Variants in FRMPD2 observed in about 807,000 individuals in gnomAD.
The protein encoded by FRMPD2 is FERM and PDZ domain containing 2, also known as FERM and PDZ domain-containing protein 2.
FRMPD2 carries 96 observed loss-of-function variants against 140.1 expected under a neutral mutation model. The observed-to-expected ratio is 0.69, with a 90% confidence interval of 0.58 to 0.81. The LOEUF is 0.81. Ranked by LOEUF, FRMPD2 falls within the 40% of genes least tolerant of loss-of-function variation. FRMPD2 has a pLI of 0.00. For synonymous variants in FRMPD2, 449 were observed against 547.6 expected (o/e 0.82, Z 2.52); for missense variants, 1,240 against 1,447.4 (o/e 0.86, Z 2.32).
chr10:48,261,277 C>A (rs1280589220), intron 1 of FRMPD2, among the ~76,000 whole-genome samples: 1 of 151,786 alleles, frequency 6.6e-6, no homozygotes, highest in Non-Finnish European at 1.5e-5. Flanking sequence ...CACCAAACCA[C>A]AGATCTAGGA....
intron 20 of FRMPD2, among the ~76,000 whole-genome samples, chr10:48,182,393 C>G (rs558420383): frequency 2.0e-5 from 3 of 152,274 alleles, no homozygotes; most frequent in South Asian, 4.1e-4. Context: ...GCTGGGAGAC[C>G]TTTTTTGGTA....
At chr10:48,175,134 C>T in intron 23 of FRMPD2, 179 bp from the exon 24 acceptor site, 2 of 474,148 alleles carry the variant, frequency 4.2e-6, no homozygotes, top group South Asian at 2.3e-5. Context: ...AGTCTCACTC[C>T]CTTCTTCTCA....
rs146010671 is a variant in FRMPD2, at chr10:48,213,282, C to T, written c.1456-1173G>A. 4.0e-3 allele frequency among the ~76,000 whole-genome samples: 613 copies of T among 152,318 alleles called. 5 individuals carry two copies. Among genetic ancestry groups the T allele is most frequent in the African/African-American group, 0.014 (566 of 41,568 alleles). On this transcript the variant is annotated intron_variant, in intron 12 of 28. Transcript: ENST00000374201. ...TTCAGCAGGCTAGTGCATAAAAAAGCATTTAGAATGCTCTTAGCATGGCCA... is the reference window on the plus strand; with the variant it reads ...TTCAGCAGGCTAGTGCATAAAAAAGTATTTAGAATGCTCTTAGCATGGCCA...
Position 48,185,697 on chromosome 10 carries a change from G to C in FRMPD2, c.2267-52C>G, listed in dbSNP as rs774562348. The C allele has an allele frequency of 2.2e-6, 3 of 1,383,098 alleles. 1 individual carries two copies. The Admixed American group carries it at 5.0e-5, about 23-fold the overall frequency. 85.7% of individuals were successfully genotyped at this position (1,383,098 alleles called of 1,614,324 possible). On this transcript the variant is annotated intron_variant, in intron 17 of 28. Coordinates refer to ENST00000374201, the MANE Select transcript of FRMPD2 (RefSeq NM_001018071.4). Reference sequence around the variant, plus strand: ...TGTGCTTTTCCCCCAAATTATTTGGGAGCTAATACAAAAGGAGTAAACAGC... The same window carrying C: ...TGTGCTTTTCCCCCAAATTATTTGGCAGCTAATACAAAAGGAGTAAACAGC...
chr10:48,234,047 T>C (rs147914713), intron 9 of FRMPD2, among the ~76,000 whole-genome samples: 5 of 152,316 alleles, frequency 3.3e-5, no homozygotes, highest in Admixed American at 6.5e-5. Flanking sequence ...CGCATCTCCA[T>C]GCAAAGGGTG....
At position 48,249,185 on chromosome 10, in the gene FRMPD2, C is replaced by T. The variant is rs373673134; in HGVS notation, c.152-7G>A. The T allele has an allele frequency of 1.3e-4, 214 of 1,613,166 alleles. No homozygotes were observed. The Middle Eastern group carries it at 1.3e-3, about 10-fold the overall frequency. ...ACCACATAGTCCGAGGAATCTGAAA[C>T]CAAGCCAGTGATGGGGCTGTAGAGA... On this transcript the variant is annotated splice_region_variant and splice_polypyrimidine_tract_variant and intron_variant, in intron 2 of 28. Transcript: ENST00000374201.
chr10:48,271,460 G>A (rs115044094), intron 1 of FRMPD2, among the ~76,000 whole-genome samples: 1 of 152,306 alleles, frequency 6.6e-6, no homozygotes, highest in African/African-American at 2.4e-5. Flanking sequence ...AGTGAGTTCT[G>A]ACAGCTCAGC....
chr10:48,211,802 C>G (rs1839328538), intron 13 of FRMPD2, 152 bp downstream of exon 13: 3 of 597,642 alleles, frequency 5.0e-6, no homozygotes, highest in Non-Finnish European at 8.0e-6. Flanking sequence ...AGAAGCCTCT[C>G]CTTGCCCCTC....
chr10:48,235,874 G>A (rs1041898422), intron 9 of FRMPD2, among the ~76,000 whole-genome samples: 1 of 152,122 alleles, frequency 6.6e-6, no homozygotes, highest in Non-Finnish European at 1.5e-5. Flanking sequence ...CTCTGGGGCA[G>A]GGAAGGGACA....
chr10:48,185,326 C>A (rs1488833290), intron 18 of FRMPD2, among the ~76,000 whole-genome samples: 4 of 152,040 alleles, frequency 2.6e-5, no homozygotes, highest in African/African-American at 4.8e-5. Flanking sequence ...TCTTTTTCTG[C>A]ATTGTACTTA....
chr10:48,248,370 A>T (rs1340365567), intron 3 of FRMPD2, among the ~76,000 whole-genome samples: 1 of 152,244 alleles, frequency 6.6e-6, no homozygotes, highest in Non-Finnish European at 1.5e-5. Flanking sequence ...ATCCAGAAAC[A>T]ATCACCGCAG....
intron 15 of FRMPD2, among the ~76,000 whole-genome samples, chr10:48,196,971 G>A (rs1838969368): frequency 6.6e-6 from 1 of 152,250 alleles, no homozygotes; most frequent in Non-Finnish European, 1.5e-5. Context: ...TATCAATGGT[G>A]TTTCACACAC....
At chr10:48,241,880 A>G (rs1172963507) in intron 5 of FRMPD2, among the ~76,000 whole-genome samples, 2 of 152,208 alleles carry the variant, frequency 1.3e-5, no homozygotes, top group Admixed American at 6.5e-5. Context: ...GCACTTGCAA[A>G]GATGTCAAGG....
intron 20 of FRMPD2, among the ~76,000 whole-genome samples, chr10:48,182,460 G>A (rs1054830484): frequency 6.6e-6 from 1 of 152,190 alleles, no homozygotes; most frequent in African/African-American, 2.4e-5. Context: ...CATTTTATCT[G>A]TCTGATCCTG....
At chr10:48,192,994 T>C (rs1201491790) in intron 15 of FRMPD2, 100 bp from the exon 16 acceptor site, 3 of 856,814 alleles carry the variant, frequency 3.5e-6, no homozygotes, top group Non-Finnish European at 5.7e-6. Flanking sequence ...CCCGCTCTCC[T>C]CCTCCTTTCT....
chr10:48,185,060 A>C, intron 18 of FRMPD2, among the ~76,000 whole-genome samples, 179 bp from the exon 19 acceptor site: 1 of 152,232 alleles, frequency 6.6e-6, no homozygotes. Flanking sequence ...ACTTGGAGAA[A>C]GGTGGATTGT....
intron 22 of FRMPD2, among the ~76,000 whole-genome samples, chr10:48,176,567 A>G (rs1838414409): frequency 6.6e-6 from 1 of 151,034 alleles, no homozygotes; most frequent in South Asian, 2.1e-4. Flanking sequence ...TTTGGATTTG[A>G]GTGAGACATT....
At chr10:48,211,233 G>A (rs1305719405) in intron 13 of FRMPD2, among the ~76,000 whole-genome samples, 3 of 152,220 alleles carry the variant, frequency 2.0e-5, no homozygotes, top group African/African-American at 7.2e-5. Flanking sequence ...ATTCATCATT[G>A]TGTGTGCCCA....
chr10:48,237,718 C>G (rs541335748), intron 8 of FRMPD2, among the ~76,000 whole-genome samples: 1 of 152,166 alleles, frequency 6.6e-6, no homozygotes, highest in African/African-American at 2.4e-5. Context: ...CACCACCCTG[C>G]GCACCGGTGG....
Sources: allele counts gnomAD v4.1 joint callset (sites outside exome capture counted in the v4.1 genomes callset), GRCh38; gene constraint gnomAD v4.1.1; transcripts MANE v1.5; gene names NCBI Gene and HGNC (gene_info 2026-07-23, HGNC 2026-07-21).